The following HHAT variants were observed in gnomAD, a reference collection of about 807,000 sequenced individuals.
HHAT encodes the protein hedgehog acyltransferase.
Under a neutral mutation model 70.8 loss-of-function variants are expected in HHAT, and 47 were observed. That is an observed-to-expected ratio of 0.66 (90% CI 0.53 to 0.85). The LOEUF (loss-of-function observed/expected upper bound fraction) is 0.85, where lower values mean the gene tolerates loss of function less well. Among genes scored for constraint, HHAT ranks in the 40% least tolerant of loss-of-function variants. The pLI is 0.00. For synonymous variants in HHAT, 228 were observed against 247.6 expected (o/e 0.92, Z 0.74); for missense variants, 609 against 604.8 (o/e 1.01, Z -0.07).
At chr1:210,363,638 A>G (rs1378697891) in intron 3 of HHAT, among the ~76,000 whole-genome samples, 1 of 152,084 alleles carries the variant, frequency 6.6e-6, no homozygotes, top group Admixed American at 6.6e-5. Context: ...CATTTCAGCT[A>G]TGACTTGGAC....
chr1:210,448,023 A>C (rs2093669222), intron 7 of HHAT, among the ~76,000 whole-genome samples: 1 of 151,798 alleles, frequency 6.6e-6, no homozygotes, highest in Admixed American at 6.6e-5. Context: ...TCGGTAGCAT[A>C]ACTTTCCATC....
At chr1:210,364,033 C>A (rs538192922) in intron 3 of HHAT, among the ~76,000 whole-genome samples, 1 of 152,158 alleles carries the variant, frequency 6.6e-6, no homozygotes, top group Admixed American at 6.5e-5. Context: ...GTAGCCTGTT[C>A]CTTTCTCCCA....
At chr1:210,583,911 G>A (rs1383480192) in intron 9 of HHAT, among the ~76,000 whole-genome samples, 1 of 144,034 alleles carries the variant, frequency 6.9e-6, no homozygotes, top group Non-Finnish European at 1.5e-5. Context: ...TGAGAGGTTT[G>A]TGTGCTATGG....
chr1:210,633,315 C>T (rs1671236441), intron 11 of HHAT, among the ~76,000 whole-genome samples: 1 of 152,210 alleles, frequency 6.6e-6, no homozygotes, highest in Non-Finnish European at 1.5e-5. Flanking sequence ...GGCATGGGCC[C>T]TAGGACAGAC....
chr1:210,418,892 G>A (rs2092807414), intron 7 of HHAT, among the ~76,000 whole-genome samples: 1 of 152,118 alleles, frequency 6.6e-6, no homozygotes. Flanking sequence ...AATTAGCTGG[G>A]TGTGGTGAGA....
At chr1:210,452,817 C>T (rs913548671) in intron 7 of HHAT, among the ~76,000 whole-genome samples, 5 of 152,066 alleles carry the variant, frequency 3.3e-5, no homozygotes, top group African/African-American at 9.7e-5. Flanking sequence ...AGAGCTTTAG[C>T]AAGGGATTTG....
intron 7 of HHAT, among the ~76,000 whole-genome samples, chr1:210,447,225 A>G (rs570727579): frequency 6.6e-6 from 1 of 152,300 alleles, no homozygotes; most frequent in South Asian, 2.1e-4. Context: ...AGAGAACCTC[A>G]TATGGTGGTT....
At chr1:210,491,064 A>AGTGTGTGTGTGT (rs1553242999) in intron 8 of HHAT, among the ~76,000 whole-genome samples, 1 of 36,182 alleles carries the variant, frequency 2.8e-5, no homozygotes, top group South Asian at 6.2e-4. Flanking sequence ...ACACACACAT[A>AGTGTGTGTGTGT]GTGTGTGTGT....
chr1:210,459,075 A>G (rs74661819), intron 7 of HHAT, among the ~76,000 whole-genome samples: 1 of 152,186 alleles, frequency 6.6e-6, no homozygotes, highest in Admixed American at 6.5e-5. Flanking sequence ...TGAGTTTAAG[A>G]TGGCCCGTTT....
chr1:210,551,002 T>G (rs2095522856), intron 9 of HHAT, among the ~76,000 whole-genome samples: 1 of 148,892 alleles, frequency 6.7e-6, no homozygotes. Flanking sequence ...GAGTGAGAAC[T>G]TCTCCTAAAG....
intron 11 of HHAT, among the ~76,000 whole-genome samples, chr1:210,641,182 A>G (rs2148912211): frequency 6.6e-6 from 1 of 152,322 alleles, no homozygotes; most frequent in Non-Finnish European, 1.5e-5. Context: ...GAATGTCCAT[A>G]TAGTGGGGCA....
intron 10 of HHAT, among the ~76,000 whole-genome samples, chr1:210,621,902 G>A (rs1017817142): frequency 6.6e-6 from 1 of 152,190 alleles, no homozygotes; most frequent in Non-Finnish European, 1.5e-5. Flanking sequence ...GTAAAAGCAC[G>A]TTCCACAGTG....
chr1:210,427,668 C>T (rs2093106392), intron 7 of HHAT, among the ~76,000 whole-genome samples: 1 of 152,036 alleles, frequency 6.6e-6, no homozygotes, highest in African/African-American at 2.4e-5. Flanking sequence ...GTCCAAGAGA[C>T]TATGTTATGA....
At chr1:210,621,482 C>T (rs760958538) in intron 10 of HHAT, among the ~76,000 whole-genome samples, 97 of 152,178 alleles carry the variant, frequency 6.4e-4, no homozygotes, top group Admixed American at 3.9e-4. Context: ...CTTCCTCTGT[C>T]TCCCAACTTC....
At chr1:210,572,017 A>T (rs913254413) in intron 9 of HHAT, among the ~76,000 whole-genome samples, 2 of 152,206 alleles carry the variant, frequency 1.3e-5, no homozygotes, top group African/African-American at 4.8e-5. Context: ...AAAAATGCTT[A>T]CCGGCCCATT....
chr1:210,396,768 G>A (rs1484635771), intron 4 of HHAT, among the ~76,000 whole-genome samples: 1 of 152,204 alleles, frequency 6.6e-6, no homozygotes, highest in East Asian at 1.9e-4. Flanking sequence ...ATGAAAAGGA[G>A]CAAACCATTG....
intron 8 of HHAT, among the ~76,000 whole-genome samples, chr1:210,509,304 C>G (rs1039033308): frequency 1.3e-5 from 2 of 152,158 alleles, no homozygotes; most frequent in African/African-American, 4.8e-5. Flanking sequence ...ATGAGTGTCT[C>G]ATTGGTGCTC....
At chr1:210,421,509 G>A (rs1220100486) in intron 7 of HHAT, among the ~76,000 whole-genome samples, 2 of 152,062 alleles carry the variant, frequency 1.3e-5, no homozygotes, top group African/African-American at 4.8e-5. Flanking sequence ...ACAGTGGGGC[G>A]ATCTCAACTC....
chr1:210,446,127 C>A (rs1265080611), intron 7 of HHAT, among the ~76,000 whole-genome samples: 1 of 152,044 alleles, frequency 6.6e-6, no homozygotes, highest in Non-Finnish European at 1.5e-5. Context: ...ATTCTCTTGT[C>A]GGGTGGGCGA....
Sources: gnomAD v4.1 joint callset for allele counts (sites outside exome capture counted in the v4.1 genomes callset) on GRCh38, gnomAD v4.1.1 for gene constraint, MANE v1.5 for transcripts, NCBI Gene and HGNC (gene_info 2026-07-23, HGNC 2026-07-21) for gene names.